Variants in TM4SF5 observed in about 807,000 individuals in gnomAD.
TM4SF5 encodes the protein transmembrane 4 L6 family member 5.
In TM4SF5, 16 loss-of-function variants were observed where a neutral mutation model predicts 22.3. The observed-to-expected ratio is 0.72, with a 90% CI of 0.49 to 1.09. The LOEUF (loss-of-function observed/expected upper bound fraction) is 1.09. Among genes scored for constraint, TM4SF5 ranks in the 50% least tolerant of loss-of-function variants. The pLI, the probability that TM4SF5 is intolerant of heterozygous loss-of-function variation, is 0.00. For synonymous variants in TM4SF5, 113 were observed against 109.6 expected (o/e 1.03, Z -0.19); for missense variants, 249 against 266.1 (o/e 0.94, Z 0.45).
At chr17:4,782,719 G>A in intron 3 of TM4SF5, 80 bp downstream of exon 3, 1 of 1,590,770 alleles carries the variant, frequency 6.3e-7, no homozygotes, top group Non-Finnish European at 8.6e-7. Context: ...GGACACCTGG[G>A]CGGGACTCGA....
At chr17:4,772,208 T>G in intron 1 of TM4SF5, 109 bp downstream of exon 1, 1 of 1,378,504 alleles carries the variant, frequency 7.3e-7, no homozygotes, top group Non-Finnish European at 1.0e-6. Flanking sequence ...TGGGAGAGGA[T>G]GGCAATGGCT....
At chr17:4,778,244 G>GAT (rs1198020108) in intron 1 of TM4SF5, among the ~76,000 whole-genome samples, 1 of 152,132 alleles carries the variant, frequency 6.6e-6, no homozygotes, top group Non-Finnish European at 1.5e-5. Context: ...TGCTGGGGAT[G>GAT]ATATAATAGA....
At chr17:4,779,616 T>C (rs1332116993) in intron 1 of TM4SF5, among the ~76,000 whole-genome samples, 1 of 152,012 alleles carries the variant, frequency 6.6e-6, no homozygotes. Flanking sequence ...TTGAGAAAAT[T>C]TGATGTCTTT....
intron 1 of TM4SF5, among the ~76,000 whole-genome samples, chr17:4,776,403 A>G (rs1241567351): frequency 6.6e-6 from 1 of 151,774 alleles, no homozygotes; most frequent in East Asian, 1.9e-4. Flanking sequence ...CCAGGTTCAC[A>G]TGATTCTCCT....
chr17:4,775,304 G>A (rs1373847808), intron 1 of TM4SF5, among the ~76,000 whole-genome samples: 1 of 151,716 alleles, frequency 6.6e-6, no homozygotes, highest in Non-Finnish European at 1.5e-5. Context: ...TGTCGCCCGG[G>A]CTGCAGTGCA....
At chr17:4,778,330 A>T (rs2150646638) in intron 1 of TM4SF5, among the ~76,000 whole-genome samples, 1 of 152,092 alleles carries the variant, frequency 6.6e-6, no homozygotes, top group African/African-American at 2.4e-5. Context: ...AAGACACATG[A>T]GGAGCCAGGC....
intron 1 of TM4SF5, among the ~76,000 whole-genome samples, chr17:4,777,651 G>A (rs910102117): frequency 3.3e-5 from 5 of 151,984 alleles, no homozygotes; most frequent in South Asian, 2.1e-4. Flanking sequence ...TTGGGAGGCC[G>A]AAGCAGGCTG....
intron 1 of TM4SF5, among the ~76,000 whole-genome samples, chr17:4,777,658 G>A (rs972934727): frequency 1.3e-5 from 2 of 152,088 alleles, no homozygotes; most frequent in South Asian, 4.1e-4. Flanking sequence ...GCCGAAGCAG[G>A]CTGATCAGCT....
At chr17:4,775,478 A>G (rs1325285809) in intron 1 of TM4SF5, among the ~76,000 whole-genome samples, 1 of 151,238 alleles carries the variant, frequency 6.6e-6, no homozygotes, top group Non-Finnish European at 1.5e-5. Context: ...GTTAGCCAGG[A>G]TGGTCTCGAT....
At position 4,781,601 on chromosome 17, in the gene TM4SF5, C is replaced by T. The variant is rs1384740163; in HGVS notation, c.258+732C>T. Reference sequence around the variant, plus strand: ...CACGATCTTGGCTCACTGCAGCTTCCGCCTCCCTAGTTCAAGCCATTCTTG... The same window carrying T: ...CACGATCTTGGCTCACTGCAGCTTCTGCCTCCCTAGTTCAAGCCATTCTTG... On this transcript the variant is annotated intron_variant, in intron 2 of 4. Coordinates refer to ENST00000270560, the MANE Select transcript of TM4SF5 (RefSeq NM_003963.3). Among the ~76,000 whole-genome samples the T allele has an allele frequency of 1.1e-4, 16 of 152,104 alleles. No individual in the cohort carries two copies. The South Asian group carries it at 1.9e-3, about 18-fold the overall frequency.
In TM4SF5 at chr17:4,782,585, A is replaced by G; in HGVS notation, c.341A>G (p.Asn114Ser). The G allele has an allele frequency of 6.2e-7, 1 of 1,613,938 alleles. No homozygotes were observed. The highest frequency in any genetic ancestry group is 8.5e-7 in the Non-Finnish European group (1 of 1,179,950). ...TCGGTGTCTGGAGCTGGGCTCCGAA[A>G]TGGACCCAGATGCTTAATGAACGGC... ...CLSVSGAGLR[N>S]GPRCLMNGEW... is the part of the protein sequence containing the mutation. Residue 114 changes from asparagine to serine, a missense_variant, in exon 3 of 5, where the codon AAT becomes AGT. Physicochemically the swap from Asn to Ser is conservative, Grantham distance 46. Coordinates refer to ENST00000270560, the MANE Select transcript of TM4SF5 (RefSeq NM_003963.3).
intron 1 of TM4SF5, among the ~76,000 whole-genome samples, chr17:4,775,553 C>T (rs770199180): frequency 2.6e-5 from 4 of 151,984 alleles, no homozygotes; most frequent in Admixed American, 6.6e-5. Context: ...AGTGAGCCAC[C>T]GCGCCATGCC....
intron 3 of TM4SF5, 77 bp downstream of exon 3, chr17:4,782,716 T>G: frequency 1.3e-6 from 2 of 1,591,294 alleles, no homozygotes; most frequent in Non-Finnish European, 1.7e-6. Context: ...CTGGGACACC[T>G]GGGCGGGACT....
chr17:4,777,727 A>C (rs1428471815), intron 1 of TM4SF5, among the ~76,000 whole-genome samples: 4 of 152,028 alleles, frequency 2.6e-5, no homozygotes, highest in African/African-American at 9.7e-5. Context: ...TCTACTAAAA[A>C]TACAAAGTTA....
intron 2 of TM4SF5, 108 bp from the exon 3 acceptor site, chr17:4,782,395 A>T: frequency 7.2e-7 from 1 of 1,391,696 alleles, no homozygotes; most frequent in Non-Finnish European, 1.0e-6. Context: ...AATACATTTT[A>T]ACAACCCGAC....
At chr17:4,780,246 G>T (rs1405776838) in intron 1 of TM4SF5, among the ~76,000 whole-genome samples, 2 of 151,858 alleles carry the variant, frequency 1.3e-5, no homozygotes, top group Non-Finnish European at 2.9e-5. Context: ...GCAGAGTTGG[G>T]GTTTCTCCAT....
chr17:4,772,157 T>C (rs2150644069), intron 1 of TM4SF5, 58 bp downstream of exon 1: 4 of 1,596,460 alleles, frequency 2.5e-6, no homozygotes, highest in Non-Finnish European at 3.4e-6. Context: ...TAAGGGGTTC[T>C]GAACAGGAGG....
At position 4,780,821 on chromosome 17, in the gene TM4SF5, A is replaced by G. The variant is rs759585848; in HGVS notation, c.210A>G (p.Ala70=). The G allele has an allele frequency of 1.2e-6, 2 of 1,610,376 alleles. No homozygotes were observed. The highest frequency in any genetic ancestry group is 1.7e-6 in the Non-Finnish European group (2 of 1,178,300). Reference sequence around the variant, plus strand: ...GTCCGGGGATTGCAGCCGTTCGGGCAGGGGGCAAGGGCTGCTGTGGTGCTG... The same window carrying G: ...GTCCGGGGATTGCAGCCGTTCGGGCGGGGGGCAAGGGCTGCTGTGGTGCTG... ...VLCPGIAAVR[A]GGKGCCGAGC... The change falls in exon 2 of 5, where the codon GCA becomes GCG. Residue 70 remains alanine, a synonymous_variant. Coordinates refer to ENST00000270560, the MANE Select transcript of TM4SF5 (RefSeq NM_003963.3).
chr17:4,777,239 C>T (rs11869085), intron 1 of TM4SF5, among the ~76,000 whole-genome samples: 9,554 of 151,076 alleles, frequency 0.063, 791 homozygotes, highest in East Asian at 0.33. Flanking sequence ...ACTGAGGTCA[C>T]GGAAGACATC....
Sources: gnomAD v4.1 joint callset for allele counts (sites outside exome capture counted in the v4.1 genomes callset) on GRCh38, gnomAD v4.1.1 for gene constraint, MANE v1.5 for transcripts, NCBI Gene and HGNC (gene_info 2026-07-23, HGNC 2026-07-21) for gene names.